The following HSPB8 variants were observed in gnomAD, a reference collection of about 807,000 sequenced individuals.
The protein encoded by HSPB8 is heat shock protein beta-8.
Under a neutral mutation model 16.5 loss-of-function variants are expected in HSPB8, and 9 were observed. The ratio of observed to expected loss-of-function variants is 0.55; its 90% CI spans 0.33 to 0.95. The LOEUF is 0.95. Ranked by LOEUF, HSPB8 falls within the 40% of genes least tolerant of loss-of-function variation. The pLI, the probability that HSPB8 is intolerant of heterozygous loss-of-function variation, is 0.03. For missense variants in HSPB8, 238 were observed against 251.2 expected, an observed-to-expected ratio of 0.95 and a Z score of 0.35; for synonymous variants, 99 against 94.8, an observed-to-expected ratio of 1.04 and a Z score of -0.26.
chr12:119,179,939 A>C (rs894393508), intron 1 of HSPB8, among the ~76,000 whole-genome samples: 3 of 152,172 alleles, frequency 2.0e-5, no homozygotes, highest in African/African-American at 7.2e-5. Flanking sequence ...GAAAATAGAA[A>C]CCATGTTGGA....
At chr12:119,185,112 G>A (rs1954666506) in intron 1 of HSPB8, among the ~76,000 whole-genome samples, 1 of 151,640 alleles carries the variant, frequency 6.6e-6, no homozygotes, top group South Asian at 2.1e-4. Context: ...AGGATTATAA[G>A]TAGTTTTGAT....
rs60310566 is a variant in HSPB8, at chr12:119,189,302, G to GGTGTGTGT, written c.431+2247_431+2254dup. Among the ~76,000 whole-genome samples the GGTGTGTGT allele has an allele frequency of 8.7e-3, 1,250 of 143,386 alleles. 11 individuals are homozygous for GGTGTGTGT. Among genetic ancestry groups the GGTGTGTGT allele is most frequent in the Admixed American group, 0.012 (173 of 14,304 alleles). 94.1% of individuals were successfully genotyped at this position (143,386 alleles called of 152,430 possible). Reference sequence around the variant, plus strand: ...GAAGTGAATTAATCATCTTAAAAGGGGTGTGTGTGTGTGTGTGTGTGTGTG... The same window carrying GGTGTGTGT: ...GAAGTGAATTAATCATCTTAAAAGGGGTGTGTGTGTGTGTGTGTGTGTGTGTGTGTGTG... On this transcript the variant is annotated intron_variant, in intron 2 of 2. Transcript: ENST00000281938.
At chr12:119,187,371 T>C (rs1954683598) in intron 2 of HSPB8, among the ~76,000 whole-genome samples, 1 of 152,168 alleles carries the variant, frequency 6.6e-6, no homozygotes, top group Non-Finnish European at 1.5e-5. Flanking sequence ...TTTATTTATC[T>C]TGAGACCGAG....
At position 119,189,343 on chromosome 12, in the gene HSPB8, A is replaced by T. The variant is rs868382858; in HGVS notation, c.431+2255A>T. 5.7e-3 allele frequency among the ~76,000 whole-genome samples: 483 copies of T among 84,860 alleles called. 3 individuals are homozygous for T. The highest frequency in any genetic ancestry group is 0.022 in the African/African-American group (455 of 20,938). 55.7% of individuals were successfully genotyped at this position (84,860 alleles called of 152,430 possible). On this transcript the variant is annotated intron_variant, in intron 2 of 2. Transcript: ENST00000281938. ...TGTGTGTGTGTGTGTGTGTGTGTGTATTTCACATGCTCCAAGGCCTTAGGG... is the reference window on the plus strand; with the variant it reads ...TGTGTGTGTGTGTGTGTGTGTGTGTTTTTCACATGCTCCAAGGCCTTAGGG...
At position 119,179,456 on chromosome 12, in the gene HSPB8, G is replaced by C; in HGVS notation, c.144G>C (p.Trp48Cys). 1 of 1,614,054 alleles carries C rather than the reference G, an allele frequency of 6.2e-7. No individual in the cohort carries two copies. The highest frequency in any genetic ancestry group is 8.5e-7 in the Non-Finnish European group (1 of 1,180,020). The change falls in exon 1 of 3, where the codon TGG becomes TGC. Residue 48 changes from tryptophan (W) to cysteine (C), a missense_variant. By Grantham distance (215) the Trp-to-Cys change is radical (BLOSUM62 -2). Transcript: ENST00000281938. ...TCCCAGACGACTTGACAGCCTCTTGGCCCGACTGGGCTCTGCCTCGTCTCT... is the reference window on the plus strand; with the variant it reads ...TCCCAGACGACTTGACAGCCTCTTGCCCCGACTGGGCTCTGCCTCGTCTCT... The part of the protein sequence containing the change: ...DPFPDDLTAS[W>C]PDWALPRLSS...
intron 1 of HSPB8, among the ~76,000 whole-genome samples, chr12:119,184,321 A>G (rs1954659098): frequency 6.6e-6 from 1 of 152,246 alleles, no homozygotes. Context: ...TGCTTAGAAC[A>G]GTGGCTGACA....
At chr12:119,193,563 G>C (rs1954725057) in intron 2 of HSPB8, 136 bp from the exon 3 acceptor site, 2 of 875,626 alleles carry the variant, frequency 2.3e-6, no homozygotes, top group Non-Finnish European at 3.7e-6. Flanking sequence ...GAAAGGGGTA[G>C]AGCCAGGATT....
chr12:119,194,711 A>ATAATAG lies in HSPB8; in HGVS notation c.*858_*859insGTAATA. 6.4e-6 allele frequency: 1 copy of ATAATAG among 156,816 alleles called. No homozygotes were observed. The allele number at this position is 156,816 out of a possible 1,614,324, so 9.7% of individuals were successfully genotyped here. ...GGTAAATAACAGTAAATAATTAATA[A>ATAATAG]TAATAATAATAATAATAAAGGAGCT... On this transcript the variant is annotated 3_prime_UTR_variant, in exon 3 of 3. Coordinates refer to ENST00000281938, the MANE Select transcript of HSPB8 (RefSeq NM_014365.3).
chr12:119,183,893 T>TC (rs1419974766), intron 1 of HSPB8, among the ~76,000 whole-genome samples: 1 of 152,204 alleles, frequency 6.6e-6, no homozygotes, highest in Non-Finnish European at 1.5e-5. Flanking sequence ...AGCAGTCTTT[T>TC]CCCCAAACAT....
rs1041949496 is a variant in HSPB8 at position 119,178,990 on chromosome 12, C to G, written c.-323C>G. On this transcript the variant is annotated 5_prime_UTR_variant, in exon 1 of 3. Coordinates refer to ENST00000281938, the MANE Select transcript of HSPB8 (RefSeq NM_014365.3). Reference sequence around the variant, plus strand: ...ATTAAGCTCCTGGCTCCGCTCTAGACCTCAGCGGTTCTGGCTGCCAGCCTG... The same window carrying G: ...ATTAAGCTCCTGGCTCCGCTCTAGAGCTCAGCGGTTCTGGCTGCCAGCCTG... 2 of 463,424 alleles carry G rather than the reference C, an allele frequency of 4.3e-6. No individual in the cohort carries two copies. The highest frequency in any genetic ancestry group is 4.4e-5 in the East Asian group (1 of 22,604). 28.7% of individuals were successfully genotyped at this position (463,424 alleles called of 1,614,324 possible).
At chr12:119,180,939 C>T (rs571874058) in intron 1 of HSPB8, among the ~76,000 whole-genome samples, 1 of 152,148 alleles carries the variant, frequency 6.6e-6, no homozygotes, top group African/African-American at 2.4e-5. Context: ...GTGCTGATGA[C>T]AGGGTCAGCC....
At chr12:119,179,922 C>T (rs866713176) in intron 1 of HSPB8, among the ~76,000 whole-genome samples, 1 of 152,132 alleles carries the variant, frequency 6.6e-6, no homozygotes, top group African/African-American at 2.4e-5. Flanking sequence ...AATCATGGTA[C>T]AGACAGGAAA....
At chr12:119,188,051 G>A (rs1040078683) in intron 2 of HSPB8, among the ~76,000 whole-genome samples, 7 of 152,088 alleles carry the variant, frequency 4.6e-5, no homozygotes, top group Non-Finnish European at 7.4e-5. Flanking sequence ...GGACAATCAG[G>A]CTGAGGCCAT....
At chr12:119,186,732 A>G in intron 1 of HSPB8, 1 of 404,860 alleles carries the variant, frequency 2.5e-6, no homozygotes, top group Non-Finnish European at 4.7e-6. Flanking sequence ...ATTTGGTACA[A>G]CACAGAAGTT....
intron 2 of HSPB8, 71 bp from the exon 3 acceptor site, chr12:119,193,628 C>A: frequency 6.5e-7 from 1 of 1,536,248 alleles, no homozygotes; most frequent in Non-Finnish European, 9.0e-7. Context: ...AATATTTCCT[C>A]TCAAGTGAAT....
At chr12:119,185,125 CT>C (rs111440883) in intron 1 of HSPB8, among the ~76,000 whole-genome samples, 37 of 146,242 alleles carry the variant, frequency 2.5e-4, no homozygotes, top group Admixed American at 2.8e-4. Context: ...GTTTTGATGG[CT>C]TTTTTTTTTA....
intron 1 of HSPB8, among the ~76,000 whole-genome samples, chr12:119,181,230 A>G (rs992436524): frequency 6.6e-6 from 1 of 152,176 alleles, no homozygotes; most frequent in Non-Finnish European, 1.5e-5. Flanking sequence ...AGCCTCAGGA[A>G]GTCCTCCTGT....
rs1954618635 is a variant in HSPB8 at position 119,179,289 on chromosome 12, TTCTC to T, written c.-20_-17del. The T allele has an allele frequency of 6.2e-7, 1 of 1,612,512 alleles. No individual in the cohort carries two copies. Among genetic ancestry groups the T allele is most frequent in the Non-Finnish European group, 8.5e-7 (1 of 1,179,736 alleles). ...TGGTTCTGTCTCTCTGAGCCTCTGT[TTCTC>T]TCTGAGCTGAGCAGCCACCATGGCT... On this transcript the variant is annotated 5_prime_UTR_variant, in exon 1 of 3. Coordinates refer to ENST00000281938, the MANE Select transcript of HSPB8 (RefSeq NM_014365.3).
chr12:119,179,570 G>A lies in HSPB8; in HGVS notation c.258G>A (p.Arg86=). The A allele has an allele frequency of 6.2e-7, 1 of 1,612,992 alleles. No homozygotes were observed. The highest frequency in any genetic ancestry group is 8.5e-7 in the Non-Finnish European group (1 of 1,179,318). The part of the protein sequence containing the change: ...TARFGVPAEG[R]TPPPFPGEPW... Reference sequence around the variant, plus strand: ...GGTTTGGGGTGCCTGCCGAGGGCAGGACCCCCCCACCCTTCCCTGGGGAGC... The same window carrying A: ...GGTTTGGGGTGCCTGCCGAGGGCAGAACCCCCCCACCCTTCCCTGGGGAGC... Residue 86 remains arginine (R), a synonymous_variant, in exon 1 of 3, where the codon AGG becomes AGA. Coordinates refer to ENST00000281938, the MANE Select transcript of HSPB8 (RefSeq NM_014365.3).
Sources: gnomAD v4.1 joint callset for allele counts (sites outside exome capture counted in the v4.1 genomes callset) on GRCh38, gnomAD v4.1.1 for gene constraint, MANE v1.5 for transcripts, NCBI Gene and HGNC (gene_info 2026-07-23, HGNC 2026-07-21) for gene names.